TDRD7: variants seen among roughly 807,000 people sequenced by gnomAD.
TDRD7 encodes the protein tudor domain-containing protein 7.
TDRD7 carries 47 observed loss-of-function variants against 109.8 expected under a neutral mutation model. That is an observed-to-expected ratio of 0.43 (90% confidence interval 0.34 to 0.55). The LOEUF is 0.55. TDRD7 is among the 20% of genes least tolerant of loss of function. TDRD7 has a pLI of 0.03. For missense variants in TDRD7, 1,164 were observed against 1,319.2 expected, an observed-to-expected ratio of 0.88 and a Z score of 1.82; for synonymous variants, 424 against 457.3, an observed-to-expected ratio of 0.93 and a Z score of 0.93.
chr9:97,483,122 T>G lies in TDRD7; in HGVS notation c.2686T>G (p.Phe896Val). The stretch of plus-strand genomic sequence containing the variant: ...GTCCATGGTGGACCATACGAGCGCT[T>G]TCTCCACAGAGGAACTGCCACCTCC... Reference protein sequence around the residue: ...KKSMVDHTSAFSTEELPPPVH... With the variant: ...KKSMVDHTSAVSTEELPPPVH... Residue 896 changes from phenylalanine (F) to valine (V), a missense_variant, in exon 15 of 17, where the codon TTC becomes GTC. Transcript: ENST00000355295. 1 of 1,614,144 alleles carries G rather than the reference T, an allele frequency of 6.2e-7. No homozygotes were observed.
At chr9:97,416,143 T>C (rs1180567425) in intron 1 of TDRD7, among the ~76,000 whole-genome samples, 1 of 152,242 alleles carries the variant, frequency 6.6e-6, no homozygotes, top group Non-Finnish European at 1.5e-5. Context: ...CACAGTCTTA[T>C]ACTCCAAGGG....
intron 14 of TDRD7, 130 bp from the exon 15 acceptor site, chr9:97,482,719 C>T (rs1315893283): frequency 1.0e-6 from 1 of 952,928 alleles, no homozygotes; most frequent in African/African-American, 1.7e-5. Context: ...TTTATTTTTC[C>T]TTAAATAAAA....
At chr9:97,466,751 C>A (rs913404996) in intron 8 of TDRD7, among the ~76,000 whole-genome samples, 1 of 152,096 alleles carries the variant, frequency 6.6e-6, no homozygotes, top group Non-Finnish European at 1.5e-5. Flanking sequence ...AATTCATCTG[C>A]AGTGATAGAA....
At chr9:97,487,513 C>T (rs1384478014) in intron 16 of TDRD7, among the ~76,000 whole-genome samples, 181 bp downstream of exon 16, 1 of 152,116 alleles carries the variant, frequency 6.6e-6, no homozygotes, top group Non-Finnish European at 1.5e-5. Context: ...TACAGTCGTG[C>T]TCTATCATTA....
intron 16 of TDRD7, among the ~76,000 whole-genome samples, chr9:97,491,927 A>T (rs919573245): frequency 6.6e-6 from 1 of 152,098 alleles, no homozygotes; most frequent in African/African-American, 2.4e-5. Flanking sequence ...AGTGTGGGAG[A>T]CAGGGCCCTA....
At chr9:97,438,935 A>G (rs1205256160) in intron 4 of TDRD7, among the ~76,000 whole-genome samples, 1 of 151,916 alleles carries the variant, frequency 6.6e-6, no homozygotes, top group Non-Finnish European at 1.5e-5. Flanking sequence ...TTATTTTTGC[A>G]TGGTCTTCTT....
chr9:97,474,523 G>A (rs62557548), intron 11 of TDRD7, among the ~76,000 whole-genome samples: 6,628 of 152,168 alleles, frequency 0.044, 193 homozygotes, highest in African/African-American at 0.089. Context: ...AGTGTCTTAT[G>A]TAGAATAGGT....
chr9:97,463,718 C>A (rs528764486), intron 7 of TDRD7, among the ~76,000 whole-genome samples: 1 of 152,180 alleles, frequency 6.6e-6, no homozygotes, highest in African/African-American at 2.4e-5. Context: ...ACGAAATCAT[C>A]TCTGAGGACT....
intron 1 of TDRD7, among the ~76,000 whole-genome samples, chr9:97,424,761 A>C (rs991818595): frequency 6.6e-6 from 1 of 152,100 alleles, no homozygotes; most frequent in African/African-American, 2.4e-5. Context: ...TTATAGGGCT[A>C]TTTCAGTTAT....
At chr9:97,474,327 AC>A (rs1465521915) in intron 11 of TDRD7, among the ~76,000 whole-genome samples, 2 of 151,826 alleles carry the variant, frequency 1.3e-5, no homozygotes, top group Non-Finnish European at 2.9e-5. Context: ...TTCTGCCCTT[AC>A]CCCCTCGTCC....
intron 7 of TDRD7, 31 bp from the exon 8 acceptor site, chr9:97,464,811 C>A: frequency 6.2e-7 from 1 of 1,612,846 alleles, no homozygotes; most frequent in Non-Finnish European, 8.5e-7. Context: ...TAGGTTACTT[C>A]ATTTGCATTC....
chr9:97,459,803 C>G (rs921116119), intron 6 of TDRD7, among the ~76,000 whole-genome samples: 2 of 152,084 alleles, frequency 1.3e-5, no homozygotes, highest in South Asian at 4.1e-4. Context: ...GTGGTTTATT[C>G]CTGACAGTTT....
intron 4 of TDRD7, among the ~76,000 whole-genome samples, chr9:97,433,491 G>A (rs886594355): frequency 1.3e-5 from 2 of 151,478 alleles, no homozygotes; most frequent in Non-Finnish European, 2.9e-5. Context: ...CTAAAAGGAC[G>A]GGCAACAAAA....
In TDRD7 at chr9:97,478,391, G is replaced by T. The variant is rs1212439377; in HGVS notation, c.2167-48G>T. 4 of 1,609,178 alleles carry T rather than the reference G, an allele frequency of 2.5e-6. 1 individual carries two copies. The highest frequency in any genetic ancestry group is 1.7e-5 in the Admixed American group (1 of 59,972). On this transcript the variant is annotated intron_variant, in intron 12 of 16. Coordinates refer to ENST00000355295, the MANE Select transcript of TDRD7 (RefSeq NM_014290.3). ...AAATGTAATTGCACAGAAGCATTTTGGTCTTTTGAATATGCTAATAAATGA... is the reference window on the plus strand; with the variant it reads ...AAATGTAATTGCACAGAAGCATTTTTGTCTTTTGAATATGCTAATAAATGA...
chr9:97,462,463 C>T (rs1045631690), intron 7 of TDRD7, among the ~76,000 whole-genome samples: 1 of 152,202 alleles, frequency 6.6e-6, no homozygotes, highest in Non-Finnish European at 1.5e-5. Flanking sequence ...GCCCTCCCCA[C>T]AAGACTTTGC....
chr9:97,418,386 C>T (rs562495198), intron 1 of TDRD7, among the ~76,000 whole-genome samples: 2 of 151,956 alleles, frequency 1.3e-5, no homozygotes, highest in East Asian at 3.9e-4. Flanking sequence ...ATGGAGGTCA[C>T]GAGACATCTG....
intron 16 of TDRD7, among the ~76,000 whole-genome samples, chr9:97,493,619 T>A (rs1207237054): frequency 6.6e-6 from 1 of 152,150 alleles, no homozygotes; most frequent in Non-Finnish European, 1.5e-5. Flanking sequence ...AGACAACTGG[T>A]CTGACCAAAA....
Position 97,441,736 on chromosome 9 carries a change from A to G in TDRD7, c.716A>G (p.Asn239Ser), listed in dbSNP as rs777118214. ...SYTYKMDEVQNRIKEILNKHN... is the reference protein window; with the variant it reads ...SYTYKMDEVQSRIKEILNKHN... Reference sequence around the variant, plus strand: ...ACTTATAAAATGGATGAGGTTCAAAATCGCATAAAGGAAATACTAAACAAG... The same window carrying G: ...ACTTATAAAATGGATGAGGTTCAAAGTCGCATAAAGGAAATACTAAACAAG... Residue 239 changes from asparagine (N) to serine (S), a missense_variant, in exon 6 of 17, where the codon AAT becomes AGT. By Grantham distance (46) the Asn-to-Ser change is conservative. This residue lies in a region of TDRD7 where 407 missense variants were observed against 394.0 expected (regional missense o/e 1.03). Transcript: ENST00000355295. 1 of 1,613,866 alleles carries G rather than the reference A, an allele frequency of 6.2e-7. No homozygotes were observed. Among genetic ancestry groups the G allele is most frequent in the South Asian group, 1.1e-5 (1 of 91,070 alleles).
chr9:97,435,998 G>A (rs961654724), intron 4 of TDRD7, among the ~76,000 whole-genome samples: 9 of 152,046 alleles, frequency 5.9e-5, no homozygotes, highest in Non-Finnish European at 8.8e-5. Flanking sequence ...ACATAATCTC[G>A]TGCCAGTCAG....
Sources: allele counts gnomAD v4.1 joint callset (sites outside exome capture counted in the v4.1 genomes callset), GRCh38; gene constraint gnomAD v4.1.1; regional missense constraint gnomAD v4.1.1; transcripts MANE v1.5; gene names NCBI Gene and HGNC (gene_info 2026-07-23, HGNC 2026-07-21).